The following PHIP variants were observed in gnomAD, a reference collection of about 807,000 sequenced individuals.
The protein encoded by PHIP is PHIP subunit of CUL4-Ring ligase complex, also known as PH-interacting protein.
PHIP carries 54 observed loss-of-function variants against 236.8 expected under a neutral mutation model. That is an observed-to-expected ratio of 0.23 (90% confidence interval 0.18 to 0.29). The LOEUF (loss-of-function observed/expected upper bound fraction) is 0.29, where lower values mean the gene tolerates loss of function less well. PHIP is among the 10% of genes least tolerant of loss of function. PHIP has a pLI of 1.00. For synonymous variants in PHIP, 756 were observed against 718.9 expected (o/e 1.05, Z -0.83); for missense variants, 1,370 against 2,190.8 (o/e 0.63, Z 7.48).
intron 9 of PHIP, among the ~76,000 whole-genome samples, chr6:79,024,071 G>A (rs773352963): frequency 2.6e-5 from 4 of 152,140 alleles, no homozygotes; most frequent in South Asian, 2.1e-4. Flanking sequence ...CTGAAGTGAA[G>A]TCAACTTGCT....
chr6:79,041,578 A>T (rs1772214611), intron 7 of PHIP, among the ~76,000 whole-genome samples: 1 of 152,080 alleles, frequency 6.6e-6, no homozygotes, highest in East Asian at 1.9e-4. Context: ...AAACATTAGA[A>T]AAATCAAATT....
rs9361486 is a variant in PHIP at position 79,052,043 on chromosome 6, C to T, written c.439+8435G>A. On this transcript the variant is annotated intron_variant, in intron 6 of 39. Transcript: ENST00000275034. The stretch of plus-strand genomic sequence containing the variant: ...GAAAAAGAAAAGACATGGTACTTAC[C>T]CTCATGGAGATTGCAGTCTAGCAGG... Among the ~76,000 whole-genome samples the T allele has an allele frequency of 9.1e-4, 138 of 151,964 alleles. 1 individual carries two copies. In the East Asian group the frequency reaches 0.023, roughly 25 times the overall value.
intron 21 of PHIP, 79 bp from the exon 22 acceptor site, chr6:78,985,507 T>C: frequency 2.5e-6 from 2 of 805,600 alleles, no homozygotes; most frequent in Non-Finnish European, 4.4e-6. Context: ...ATCAGTGATA[T>C]CTTATAATAT....
At chr6:79,045,386 G>C (rs1353550762) in intron 6 of PHIP, among the ~76,000 whole-genome samples, 1 of 152,116 alleles carries the variant, frequency 6.6e-6, no homozygotes, top group Non-Finnish European at 1.5e-5. Flanking sequence ...AGAAGGATGA[G>C]CTAGGACTCA....
chr6:78,997,184 A>C lies in PHIP; in HGVS notation c.2201+230T>G, dbSNP rs111439335. Among the ~76,000 whole-genome samples the C allele has an allele frequency of 5.6e-4, 85 of 152,260 alleles. 1 individual carries two copies. Among genetic ancestry groups the C allele is most frequent in the African/African-American group, 2.0e-3 (83 of 41,576 alleles). On this transcript the variant is annotated intron_variant, in intron 19 of 39. Coordinates refer to ENST00000275034, the MANE Select transcript of PHIP (RefSeq NM_017934.7). ...CCTCCTATTTGGTCAATCCAAATTT[A>C]TGATTTTCCTGTTGACCTTAACACG...
At position 78,972,319 on chromosome 6, in the gene PHIP, T is replaced by C. The variant is rs939280531; in HGVS notation, c.2890-1431A>G. Among the ~76,000 whole-genome samples, 4 of 152,316 alleles carry C rather than the reference T, an allele frequency of 2.6e-5. No individual in the cohort carries two copies. In the East Asian group the frequency reaches 5.8e-4, roughly 22 times the overall value. ...CCAACAGACCTGCAGCTGAGGGTCC[T>C]GTCTGTTAGAAGGAAAACTAACAAA... On this transcript the variant is annotated intron_variant, in intron 24 of 39. Transcript: ENST00000275034.
intron 2 of PHIP, 56 bp downstream of exon 2, chr6:79,077,799 C>A (rs972697291): frequency 1.9e-6 from 2 of 1,055,294 alleles, no homozygotes; most frequent in Admixed American, 5.6e-5. Flanking sequence ...CCGCCTCCCT[C>A]CCCCACGCCC....
intron 4 of PHIP, among the ~76,000 whole-genome samples, chr6:79,075,324 G>A (rs1240488491): frequency 6.6e-6 from 1 of 152,084 alleles, no homozygotes; most frequent in African/African-American, 2.4e-5. Context: ...TATAGAGTAA[G>A]CAATATGCTG....
chr6:78,993,036 TG>T (rs2127725439), intron 19 of PHIP, among the ~76,000 whole-genome samples: 1 of 152,318 alleles, frequency 6.6e-6, no homozygotes, highest in Non-Finnish European at 1.5e-5. Context: ...AGGAATGATA[TG>T]AAAGTGAAGC....
At chr6:79,071,778 T>C (rs894672300) in intron 4 of PHIP, among the ~76,000 whole-genome samples, 1 of 152,166 alleles carries the variant, frequency 6.6e-6, no homozygotes, top group Non-Finnish European at 1.5e-5. Context: ...TCAGAGTAAG[T>C]TGTACAAGAT....
intron 24 of PHIP, among the ~76,000 whole-genome samples, chr6:78,973,288 G>A (rs550121829): frequency 6.6e-6 from 1 of 151,416 alleles, no homozygotes; most frequent in East Asian, 1.9e-4. Context: ...AGCTTCATAA[G>A]TGAAGGAGAA....
At chr6:78,967,910 G>A (rs540085476) in intron 27 of PHIP, among the ~76,000 whole-genome samples, 5 of 152,036 alleles carry the variant, frequency 3.3e-5, no homozygotes, top group South Asian at 2.1e-4. Context: ...TGAGGCGGGC[G>A]GATCACAAGG....
At position 78,991,078 on chromosome 6, in the gene PHIP, C is replaced by G. The variant is rs548840925; in HGVS notation, c.2202-93G>C. ...AGGTATCAGGAAAGGAACGCTACTC[C>G]TGATGTTTTATTTTAAGATGGAAGC... On this transcript the variant is annotated intron_variant, in intron 19 of 39. Transcript: ENST00000275034. The G allele has an allele frequency of 1.5e-3, 1,080 of 707,176 alleles. 11 individuals carry two copies. Among genetic ancestry groups the G allele is most frequent in the Middle Eastern group, 8.7e-3 (35 of 4,006 alleles). 43.8% of individuals were successfully genotyped at this position (707,176 alleles called of 1,614,324 possible).
In PHIP at chr6:78,983,036, T is replaced by C; in HGVS notation, c.2619A>G (p.Lys873=). 6.2e-7 allele frequency: 1 copy of C among 1,612,698 alleles called. No individual in the cohort carries two copies. Among genetic ancestry groups the C allele is most frequent in the Non-Finnish European group, 8.5e-7 (1 of 1,179,400 alleles). The change falls in exon 23 of 40, where the codon AAA becomes AAG. Residue 873 remains lysine, a synonymous_variant. Transcript: ENST00000275034. The part of the protein sequence containing the change: ...LQPPKKVPKN[K]TKKAESSSDE... ...CTGAACTGCTTTCTGCTTTCTTGGT[T>C]TTATTCTTAGGAACTTTCTTTGGTG...
At chr6:79,013,340 T>C (rs1182485720) in intron 15 of PHIP, among the ~76,000 whole-genome samples, 1 of 151,768 alleles carries the variant, frequency 6.6e-6, no homozygotes, top group Non-Finnish European at 1.5e-5. Flanking sequence ...GGTTTATGTT[T>C]TGCTCACTGT....
chr6:78,997,575 C>T lies in PHIP; in HGVS notation c.2040G>A (p.Glu680=), dbSNP rs567684136. Residue 680 remains glutamate, a synonymous_variant, in exon 19 of 40, where the codon GAG becomes GAA. Transcript: ENST00000275034. Reference sequence around the variant, plus strand: ...GTCCTACGTTTGGTGGTGAATGAACCTCTGAGGTAGAACTTATGGAGCCTA... The same window carrying T: ...GTCCTACGTTTGGTGGTGAATGAACTTCTGAGGTAGAACTTATGGAGCCTA... ...LSRGSISSTS[E]VHSPPNVGLR... 2.4e-5 allele frequency: 38 copies of T among 1,613,498 alleles called. No homozygotes were observed. The highest frequency in any genetic ancestry group is 2.5e-5 in the Non-Finnish European group (29 of 1,179,642).
intron 7 of PHIP, among the ~76,000 whole-genome samples, chr6:79,031,546 A>T (rs1184900008): frequency 6.6e-6 from 1 of 152,226 alleles, no homozygotes. Flanking sequence ...GGTGGGAATT[A>T]AACAAAATTT....
chr6:79,019,221 T>A, intron 9 of PHIP, 62 bp from the exon 10 acceptor site: 1 of 1,226,852 alleles, frequency 8.2e-7, no homozygotes, highest in Non-Finnish European at 1.2e-6. Context: ...GCAGAAATAA[T>A]CTGTTTCAAA....
chr6:79,037,255 TA>T (rs1420559414), intron 7 of PHIP, among the ~76,000 whole-genome samples: 4 of 152,156 alleles, frequency 2.6e-5, no homozygotes, highest in Non-Finnish European at 5.9e-5. Context: ...TTATAAAGAA[TA>T]CAGGCCTTAC....
Sources: allele counts gnomAD v4.1 joint callset (sites outside exome capture counted in the v4.1 genomes callset), GRCh38; gene constraint gnomAD v4.1.1; transcripts MANE v1.5; gene names NCBI Gene and HGNC (gene_info 2026-07-23, HGNC 2026-07-21).